Variants in NEB observed in about 807,000 individuals in gnomAD.
The protein encoded by NEB is nemaline myopathy type 2.
Under a neutral mutation model 952.2 loss-of-function variants are expected in NEB, and 512 were observed. The observed-to-expected ratio is 0.54, with a 90% confidence interval of 0.50 to 0.58. NEB has a LOEUF of 0.58. NEB is among the 20% of genes least tolerant of loss of function. The probability of loss-of-function intolerance (pLI) is 0.00; values close to 1 mark genes in which losing one functional copy is unlikely to be tolerated. For synonymous variants in NEB, 2,900 were observed against 3,149.8 expected, an observed-to-expected ratio of 0.92 and a Z score of 2.66; for missense variants, 8,428 against 9,231.1, an observed-to-expected ratio of 0.91 and a Z score of 3.56.
rs747863168 is a variant in NEB at position 151,570,356 on chromosome 2, G to T, written c.17155C>A (p.His5719Asn). Residue 5719 changes from histidine (H) to asparagine (N), a missense_variant, in exon 109 of 182, where the codon CAC (histidine) becomes AAC (asparagine). By Grantham distance (68) the His-to-Asn change is moderately conservative. Coordinates refer to ENST00000397345, the MANE Select transcript of NEB (RefSeq NM_001164508.2). ...CTGGCTGTGAGGGTGCCCACGTAGT[G>T]TCCCTTCTGCTTCTCATGGTCAAGC... ...YKLDHEKQKG[H>N]YVGTLTARDD... is the part of the protein sequence containing the mutation. The T allele has an allele frequency of 6.3e-7, 1 of 1,592,930 alleles. No homozygotes were observed. The highest frequency in any genetic ancestry group is 1.4e-5 in the African/African-American group (1 of 74,068).
chr2:151,512,730 T>A lies in NEB; in HGVS notation c.23346+3A>T. ...TGAGTGATGGCATGACGAATGTCCTTACCTGGCTTGAAAGATTCTTGACTT... is the reference window on the plus strand; with the variant it reads ...TGAGTGATGGCATGACGAATGTCCTAACCTGGCTTGAAAGATTCTTGACTT... On this transcript the variant is annotated splice_donor_region_variant and intron_variant, in intron 161 of 181. Transcript: ENST00000397345. The A allele has an allele frequency of 6.2e-7, 1 of 1,609,292 alleles. No homozygotes were observed. The highest frequency in any genetic ancestry group is 1.1e-5 in the South Asian group (1 of 90,854).
intron 72 of NEB, among the ~76,000 whole-genome samples, chr2:151,619,978 T>C (rs1323088068): frequency 2.6e-5 from 4 of 152,060 alleles, no homozygotes; most frequent in Non-Finnish European, 4.4e-5. Context: ...GAATCATATG[T>C]TGGCAAAAAA....
intron 88 of NEB, among the ~76,000 whole-genome samples, chr2:151,601,299 G>C (rs1373527701): frequency 7.2e-6 from 1 of 138,076 alleles, no homozygotes; most frequent in Admixed American, 7.1e-5. Context: ...AGTAGAGACA[G>C]GGTTTCACCG....
At chr2:151,627,273 A>C in intron 69 of NEB, 68 bp from the exon 70 acceptor site, 1 of 1,531,110 alleles carries the variant, frequency 6.5e-7, no homozygotes, top group South Asian at 1.2e-5. Flanking sequence ...AAATAAAAAA[A>C]TAACACTAGA....
chr2:151,678,244 C>A, intron 32 of NEB, 57 bp from the exon 33 acceptor site: 2 of 1,110,546 alleles, frequency 1.8e-6, no homozygotes, highest in Non-Finnish European at 2.6e-6. Context: ...CTTTACTAAA[C>A]AATGAGGCCA....
intron 52 of NEB, among the ~76,000 whole-genome samples, chr2:151,651,168 ACT>A (rs1286380710): frequency 6.6e-6 from 1 of 152,198 alleles, no homozygotes; most frequent in African/African-American, 2.4e-5. Context: ...TGGAATGTTT[ACT>A]TACTTAAACT....
intron 60 of NEB, among the ~76,000 whole-genome samples, chr2:151,641,980 C>G: frequency 6.6e-6 from 1 of 152,096 alleles, no homozygotes; most frequent in East Asian, 1.9e-4. Context: ...CATCCTATGA[C>G]AGGCCCCAGT....
chr2:151,504,942 G>A (rs2067598669), intron 165 of NEB, among the ~76,000 whole-genome samples: 1 of 152,040 alleles, frequency 6.6e-6, no homozygotes, highest in Non-Finnish European at 1.5e-5. Flanking sequence ...GATGGAGAGA[G>A]CAAAGAATAC....
Position 151,535,724 on chromosome 2 carries a change from C to T in NEB, c.21279G>A (p.Arg7093=). Residue 7093 remains arginine (R), a synonymous_variant, in exon 142 of 182, where the codon AGG becomes AGA. Transcript: ENST00000397345. The stretch of plus-strand genomic sequence containing the variant: ...TCAATTGAGTTGCATACTTGAAATG[C>T]CTATTGATCGGAGAGTCGGCAACAT... ...FKYVADSPIN[R]HFKYATQLMN... 5 of 1,609,006 alleles carry T rather than the reference C, an allele frequency of 3.1e-6. 1 individual carries two copies. In the South Asian group the frequency reaches 4.4e-5, roughly 14 times the overall value.
chr2:151,494,397 C>A (rs538132231), intron 173 of NEB, 144 bp from the exon 174 acceptor site: 21 of 632,544 alleles, frequency 3.3e-5, no homozygotes, highest in Non-Finnish European at 5.3e-5. Context: ...TAGTATGTTT[C>A]CTAAGGAAGT....
intron 48 of NEB, among the ~76,000 whole-genome samples, chr2:151,657,212 G>A (rs2099095016): frequency 6.6e-6 from 1 of 152,156 alleles, no homozygotes; most frequent in African/African-American, 2.4e-5. Flanking sequence ...GATAATAAGA[G>A]AGAATGGGAT....
Position 151,570,213 on chromosome 2 carries a change from G to A in NEB, c.17298C>T (p.Ser5766=), listed in dbSNP as rs2096577451. The part of the protein sequence containing the change: ...AKIQSPVDML[S]ILHSKNSQAL... The stretch of plus-strand genomic sequence containing the variant: ...CCTGGGAATTTTTAGAGTGCAGGAT[G>A]GAAAGCATGTCCACAGGGCTCTGGA... The change falls in exon 109 of 182, where the codon TCC becomes TCT. Residue 5766 remains serine (S), a synonymous_variant. Transcript: ENST00000397345. The A allele has an allele frequency of 6.2e-7, 1 of 1,613,774 alleles. No individual in the cohort carries two copies. The highest frequency in any genetic ancestry group is 8.5e-7 in the Non-Finnish European group (1 of 1,179,820).
rs972277539 is a variant in NEB at position 151,575,506 on chromosome 2, C to G, written c.17013+189G>C. On this transcript the variant is annotated intron_variant, in intron 107 of 181. Transcript: ENST00000397345. ...TGTGGAGATATTGACTCACCAGTAA[C>G]TGGCCTTGCCCAGTGAATCACCAGG... Among the ~76,000 whole-genome samples the G allele has an allele frequency of 2.0e-5, 3 of 152,212 alleles. No individual in the cohort carries two copies. In the East Asian group the frequency reaches 5.8e-4, roughly 29 times the overall value.
In NEB at chr2:151,502,825, T is replaced by C. The variant is rs200979504; in HGVS notation, c.23896A>G (p.Arg7966Gly). ...IPTPITPEME[R>G]VKRNQENFSS... Reference sequence around the variant, plus strand: ...AAGTTCTCTTGATTGCGTTTGACTCTCTCCATCTCTGGAGTGATAGGTGTT... The same window carrying C: ...AAGTTCTCTTGATTGCGTTTGACTCCCTCCATCTCTGGAGTGATAGGTGTT... The change falls in exon 167 of 182, where the codon AGA becomes GGA. Residue 7966 changes from arginine (R) to glycine (G), a missense_variant. Arg to Gly is a moderately radical substitution (Grantham distance 125, BLOSUM62 -2). Coordinates refer to ENST00000397345, the MANE Select transcript of NEB (RefSeq NM_001164508.2). 2 of 1,608,986 alleles carry C rather than the reference T, an allele frequency of 1.2e-6. No individual in the cohort carries two copies. The highest frequency in any genetic ancestry group is 1.1e-5 in the South Asian group (1 of 89,714).
In NEB at chr2:151,568,197, A is replaced by G. The variant is rs367755687; in HGVS notation, c.17737-19T>C. Reference sequence around the variant, plus strand: ...AGAGATACTGAAAGACAGAGCCACCATAAAGGGTTAAAATGAGGAGTCAGA... The same window carrying G: ...AGAGATACTGAAAGACAGAGCCACCGTAAAGGGTTAAAATGAGGAGTCAGA... On this transcript the variant is annotated intron_variant, in intron 112 of 181. Transcript: ENST00000397345. 192 of 1,607,850 alleles carry G rather than the reference A, an allele frequency of 1.2e-4. No homozygotes were observed. Among genetic ancestry groups the G allele is most frequent in the Non-Finnish European group, 1.6e-4 (183 of 1,175,138 alleles).
chr2:151,705,714 A>C (rs1391492622), intron 13 of NEB, among the ~76,000 whole-genome samples: 2 of 152,246 alleles, frequency 1.3e-5, no homozygotes, highest in Non-Finnish European at 2.9e-5. Context: ...AATGTGGTAT[A>C]TATACAGCAT....
At chr2:151,714,502 C>T (rs1439666089) in intron 10 of NEB, among the ~76,000 whole-genome samples, 1 of 152,148 alleles carries the variant, frequency 6.6e-6, no homozygotes, top group South Asian at 2.1e-4. Context: ...CTTCTGCACC[C>T]CCTGGGGAGC....
At chr2:151,629,770 C>A in intron 67 of NEB, 124 bp from the exon 68 acceptor site, 3 of 721,342 alleles carry the variant, frequency 4.2e-6, no homozygotes, top group Admixed American at 2.6e-5. Flanking sequence ...AAGTTTCTGG[C>A]AATAGTGGAA....
Position 151,671,164 on chromosome 2 carries a change from C to T in NEB, c.4365G>A (p.Leu1455=). 1 of 1,613,972 alleles carries T rather than the reference C, an allele frequency of 6.2e-7. No homozygotes were observed. ...KGIGWIPIGS[L]EVEKVKKAGD... is the part of the protein sequence containing the mutation. Reference sequence around the variant, plus strand: ...CTGCTTTCTTGACCTTCTCCACCTCCAGGGAACCAATAGGGATCCATCCGA... The same window carrying T: ...CTGCTTTCTTGACCTTCTCCACCTCTAGGGAACCAATAGGGATCCATCCGA... The change falls in exon 38 of 182, where the codon CTG becomes CTA. Residue 1455 remains leucine, a synonymous_variant. Coordinates refer to ENST00000397345, the MANE Select transcript of NEB (RefSeq NM_001164508.2).
Sources: allele counts gnomAD v4.1 joint callset (sites outside exome capture counted in the v4.1 genomes callset), GRCh38; gene constraint gnomAD v4.1.1; transcripts MANE v1.5; gene names NCBI Gene and HGNC (gene_info 2026-07-23, HGNC 2026-07-21).